The following DGKB variants were observed in gnomAD, a reference collection of about 807,000 sequenced individuals.
DGKB encodes the protein diacylglycerol kinase beta.
DGKB carries 67 observed loss-of-function variants against 114.3 expected under a neutral mutation model. The observed-to-expected ratio is 0.59, with a 90% CI of 0.48 to 0.72. The LOEUF (loss-of-function observed/expected upper bound fraction) is 0.72. Ranked by LOEUF, DGKB falls within the 30% of genes least tolerant of loss-of-function variation. The pLI, the probability that DGKB is intolerant of heterozygous loss-of-function variation, is 0.00. For missense variants in DGKB, 907 were observed against 975.2 expected, an observed-to-expected ratio of 0.93 and a Z score of 0.93; for synonymous variants, 398 against 323.1, an observed-to-expected ratio of 1.23 and a Z score of -2.49.
chr7:14,461,334 T>A (rs1412818721), intron 21 of DGKB, among the ~76,000 whole-genome samples: 4 of 143,004 alleles, frequency 2.8e-5, no homozygotes, highest in South Asian at 2.3e-4. Flanking sequence ...TTTTTTTTTT[T>A]AAAGATAAAC....
chr7:14,573,957 C>T (rs907328136), intron 20 of DGKB, among the ~76,000 whole-genome samples: 3 of 151,928 alleles, frequency 2.0e-5, no homozygotes, highest in African/African-American at 7.3e-5. Flanking sequence ...AAACCAATTA[C>T]AAAGAATATA....
At position 14,709,566 on chromosome 7, in the gene DGKB, C is replaced by G. The variant is rs1480865545; in HGVS notation, c.467-7836G>C. 4.4e-4 allele frequency among the ~76,000 whole-genome samples: 59 copies of G among 133,098 alleles called. 1 individual carries two copies. Among genetic ancestry groups the G allele is most frequent in the South Asian group, 1.7e-3 (6 of 3,498 alleles). The allele number at this position is 133,098 out of a possible 152,430, so 87.3% of individuals were successfully genotyped here. The stretch of plus-strand genomic sequence containing the variant: ...CAATAGCAAAGACTTGGAACCAACC[C>G]AAATGTCCAACAATGATAGACTGGA... On this transcript the variant is annotated intron_variant, in intron 6 of 25. Coordinates refer to ENST00000402815, the MANE Select transcript of DGKB (RefSeq NM_001350709.2).
intron 2 of DGKB, among the ~76,000 whole-genome samples, chr7:14,781,712 AT>A (rs1004616145): frequency 5.3e-5 from 8 of 152,084 alleles, no homozygotes; most frequent in Non-Finnish European, 1.2e-4. Flanking sequence ...CTATGTAGTT[AT>A]TTTTACGCAC....
At chr7:14,745,398 T>G (rs930150595) in intron 4 of DGKB, among the ~76,000 whole-genome samples, 1 of 152,054 alleles carries the variant, frequency 6.6e-6, no homozygotes, top group Non-Finnish European at 1.5e-5. Flanking sequence ...CTGCAGTACC[T>G]CTTGTGTACC....
intron 13 of DGKB, among the ~76,000 whole-genome samples, chr7:14,644,376 TA>T (rs1812488126): frequency 6.6e-6 from 1 of 152,006 alleles, no homozygotes; most frequent in Admixed American, 6.5e-5. Flanking sequence ...AGACCACAAA[TA>T]AAAGAAAATC....
intron 23 of DGKB, among the ~76,000 whole-genome samples, chr7:14,232,739 G>C (rs1389561151): frequency 6.6e-6 from 1 of 151,986 alleles, no homozygotes; most frequent in Non-Finnish European, 1.5e-5. Context: ...AATATTTAGT[G>C]TAAAGTGTTT....
intron 21 of DGKB, among the ~76,000 whole-genome samples, chr7:14,400,935 G>A (rs913318779): frequency 4.0e-5 from 6 of 151,744 alleles, no homozygotes; most frequent in South Asian, 2.1e-4. Context: ...GGAATCTACC[G>A]AGCTATCCTT....
intron 25 of DGKB, among the ~76,000 whole-genome samples, chr7:14,155,664 A>C (rs1263683385): frequency 6.6e-6 from 1 of 152,088 alleles, no homozygotes; most frequent in Non-Finnish European, 1.5e-5. Context: ...AGAGAGATTG[A>C]GGAGGCAGAA....
chr7:14,613,535 GTGTGTGTGTGCA>G, intron 15 of DGKB, 122 bp from the exon 16 acceptor site: 2 of 602,374 alleles, frequency 3.3e-6, no homozygotes, highest in Non-Finnish European at 6.0e-6. Context: ...TTTCCACAAT[GTGTGTGTGTGCA>G]TGTGTGTGTG....
chr7:14,719,591 T>C (rs1280357453), intron 5 of DGKB, among the ~76,000 whole-genome samples: 1 of 151,966 alleles, frequency 6.6e-6, no homozygotes, highest in Non-Finnish European at 1.5e-5. Flanking sequence ...CAGGAGCTAC[T>C]GTAAGGAATA....
chr7:14,829,037 C>T (rs918572174), intron 2 of DGKB, among the ~76,000 whole-genome samples: 13 of 152,018 alleles, frequency 8.6e-5, no homozygotes, highest in Admixed American at 1.3e-4. Context: ...GTTCACGAGG[C>T]AAAGATCATA....
chr7:14,700,470 C>T (rs1449636814), intron 7 of DGKB, among the ~76,000 whole-genome samples: 1 of 152,156 alleles, frequency 6.6e-6, no homozygotes, highest in East Asian at 1.9e-4. Context: ...CCCGTCTTGG[C>T]ATCCCAAAAT....
intron 21 of DGKB, among the ~76,000 whole-genome samples, chr7:14,374,486 A>T (rs1211906499): frequency 6.6e-6 from 1 of 152,192 alleles, no homozygotes; most frequent in African/African-American, 2.4e-5. Flanking sequence ...TGCAAACAGA[A>T]ATCAAGTCTT....
rs929689247 is a variant in DGKB at position 14,764,483 on chromosome 7, C to T, written c.71-6752G>A. 5.3e-5 allele frequency among the ~76,000 whole-genome samples: 8 copies of T among 151,704 alleles called. No individual in the cohort carries two copies. In the South Asian group the frequency reaches 6.2e-4, roughly 12 times the overall value. ...AACCTGGATCCATATCAGGATCATC[C>T]GGGGATCTTTTAATATACACTGATG... On this transcript the variant is annotated intron_variant, in intron 2 of 25. Coordinates refer to ENST00000402815, the MANE Select transcript of DGKB (RefSeq NM_001350709.2).
intron 23 of DGKB, among the ~76,000 whole-genome samples, chr7:14,211,491 T>C (rs1353037280): frequency 6.4e-5 from 2 of 31,254 alleles, no homozygotes; most frequent in Admixed American, 8.1e-4. Flanking sequence ...TTTTGTGATA[T>C]TTACTCTCAT....
intron 2 of DGKB, among the ~76,000 whole-genome samples, chr7:14,833,482 A>T (rs1364672830): frequency 6.6e-6 from 1 of 152,166 alleles, no homozygotes; most frequent in Admixed American, 6.6e-5. Context: ...GGAATAGGAA[A>T]AGCTAGACTC....
chr7:14,900,195 A>G (rs932191825), intron 1 of DGKB, among the ~76,000 whole-genome samples: 1 of 152,142 alleles, frequency 6.6e-6, no homozygotes, highest in Non-Finnish European at 1.5e-5. Flanking sequence ...AATACCCAAG[A>G]TATTGACTAT....
intron 20 of DGKB, among the ~76,000 whole-genome samples, chr7:14,530,393 C>T (rs1383942147): frequency 6.6e-6 from 1 of 151,514 alleles, no homozygotes; most frequent in African/African-American, 2.4e-5. Context: ...AAATTGCCTT[C>T]TCCCTTGATC....
chr7:14,804,195 G>A (rs577278988), intron 2 of DGKB, among the ~76,000 whole-genome samples: 1 of 151,318 alleles, frequency 6.6e-6, no homozygotes, highest in South Asian at 2.1e-4. Flanking sequence ...TCAATTTATA[G>A]AATTCTATTT....
Sources: allele counts gnomAD v4.1 joint callset (sites outside exome capture counted in the v4.1 genomes callset), GRCh38; gene constraint gnomAD v4.1.1; transcripts MANE v1.5; gene names NCBI Gene and HGNC (gene_info 2026-07-23, HGNC 2026-07-21).